SKAP1: variants seen among roughly 807,000 people sequenced by gnomAD.
The protein encoded by SKAP1 is src kinase associated phosphoprotein 1, also known as src kinase-associated phosphoprotein 1.
In SKAP1, 44 loss-of-function variants were observed where a neutral mutation model predicts 58.5. That is an observed-to-expected ratio of 0.75 (90% CI 0.59 to 0.97). The LOEUF (loss-of-function observed/expected upper bound fraction) is 0.97. SKAP1 is among the 50% of genes least tolerant of loss of function. SKAP1 has a pLI of 0.00. For synonymous variants in SKAP1, 127 were observed against 149.7 expected (o/e 0.85, Z 1.11); for missense variants, 390 against 435.2 (o/e 0.90, Z 0.92).
In SKAP1 at chr17:48,269,289, T is replaced by A. The variant is rs112060397; in HGVS notation, c.280+76616A>T. 4.1e-3 allele frequency among the ~76,000 whole-genome samples: 621 copies of A among 151,976 alleles called. 8 individuals are homozygous for A. The highest frequency in any genetic ancestry group is 0.014 in the African/African-American group (594 of 41,450). On this transcript the variant is annotated intron_variant, in intron 4 of 12. Coordinates refer to ENST00000336915, the MANE Select transcript of SKAP1 (RefSeq NM_003726.4). Reference sequence around the variant, plus strand: ...GTTAGAAGTGATAAAAGTAAATAAATAAATTTGACCACTTTGAGAAAAAAA... The same window carrying A: ...GTTAGAAGTGATAAAAGTAAATAAAAAAATTTGACCACTTTGAGAAAAAAA...
At chr17:48,153,257 G>A (rs2063926503) in intron 11 of SKAP1, among the ~76,000 whole-genome samples, 1 of 152,162 alleles carries the variant, frequency 6.6e-6, no homozygotes. Flanking sequence ...TTACATGCAT[G>A]CATATGCACA....
At chr17:48,413,523 A>AAAAAAAAATATATATAT in intron 1 of SKAP1, among the ~76,000 whole-genome samples, 2 of 105,454 alleles carry the variant, frequency 1.9e-5, no homozygotes, top group Admixed American at 1.1e-4. Flanking sequence ...TCAAAAAAAA[A>AAAAAAAAATATATATAT]ATATATATAT....
intron 4 of SKAP1, among the ~76,000 whole-genome samples, chr17:48,266,032 T>C (rs2072472700): frequency 6.6e-6 from 1 of 152,316 alleles, no homozygotes; most frequent in African/African-American, 2.4e-5. Context: ...AGGGCTCTCA[T>C]TTCCTTGTCA....
chr17:48,220,586 G>C (rs2064990752), intron 4 of SKAP1, among the ~76,000 whole-genome samples: 1 of 152,202 alleles, frequency 6.6e-6, no homozygotes, highest in African/African-American at 2.4e-5. Flanking sequence ...GCCAGGTGCA[G>C]TGGCTCACGC....
At chr17:48,167,319 G>A (rs542637085) in intron 10 of SKAP1, among the ~76,000 whole-genome samples, 7 of 152,134 alleles carry the variant, frequency 4.6e-5, no homozygotes, top group Admixed American at 4.6e-4. Flanking sequence ...TATGATCTTA[G>A]TGGTATAAGT....
intron 4 of SKAP1, among the ~76,000 whole-genome samples, chr17:48,239,457 A>G (rs2065219133): frequency 2.6e-5 from 4 of 152,222 alleles, no homozygotes; most frequent in Admixed American, 2.6e-4. Context: ...TGCTATAAAA[A>G]TGTGATGGAT....
chr17:48,382,678 TCAGTATACCTAG>T, intron 2 of SKAP1: 1 of 152,370 alleles, frequency 6.6e-6, no homozygotes, highest in African/African-American at 2.4e-5. Context: ...TCTATAACCC[TCAGTATACCTAG>T]CACTGTGCAT....
At chr17:48,290,890 CA>C (rs1297514320) in intron 4 of SKAP1, among the ~76,000 whole-genome samples, 7 of 152,168 alleles carry the variant, frequency 4.6e-5, no homozygotes, top group Non-Finnish European at 7.3e-5. Context: ...CCTGTAATCT[CA>C]ACACTTTGGG....
At chr17:48,352,471 T>C (rs1198676391) in intron 3 of SKAP1, among the ~76,000 whole-genome samples, 1 of 152,224 alleles carries the variant, frequency 6.6e-6, no homozygotes, top group African/African-American at 2.4e-5. Context: ...ACTTATCATA[T>C]GGCAACCAGG....
intron 2 of SKAP1, among the ~76,000 whole-genome samples, chr17:48,378,169 A>G (rs2067173944): frequency 6.6e-6 from 1 of 152,166 alleles, no homozygotes. Flanking sequence ...ACATCCATGT[A>G]ACCACATCGC....
intron 2 of SKAP1, among the ~76,000 whole-genome samples, chr17:48,382,993 ACT>A (rs1223589335): frequency 6.6e-6 from 1 of 152,156 alleles, no homozygotes; most frequent in African/African-American, 2.4e-5. Context: ...AGCTAAGATG[ACT>A]CTAGCCGCTC....
At chr17:48,371,253 G>C (rs1406549124) in intron 2 of SKAP1, among the ~76,000 whole-genome samples, 1 of 151,994 alleles carries the variant, frequency 6.6e-6, no homozygotes, top group Non-Finnish European at 1.5e-5. Context: ...TAACAAACCT[G>C]CACATGTACC....
chr17:48,357,491 G>A (rs1433873098), intron 3 of SKAP1, among the ~76,000 whole-genome samples: 2 of 152,036 alleles, frequency 1.3e-5, no homozygotes, highest in Middle Eastern at 3.2e-3. Flanking sequence ...TTAGCCGGGC[G>A]TGGTGGCGGG....
rs756935987 is a variant in SKAP1, at chr17:48,380,457, T to C, written c.152+16223A>G. 6 of 152,198 alleles carry C rather than the reference T, an allele frequency of 3.9e-5. 1 individual carries two copies. The Middle Eastern group carries it at 0.01, about 259-fold the overall frequency. 9.4% of individuals were successfully genotyped at this position (152,198 alleles called of 1,614,324 possible). The stretch of plus-strand genomic sequence containing the variant: ...CAAAAACAAAAAACAAAAAACAGGG[T>C]ATTCTGATAAAGATTTGTACACACT... On this transcript the variant is annotated intron_variant, in intron 2 of 12. Transcript: ENST00000336915.
chr17:48,193,081 G>A (rs533623257), intron 4 of SKAP1, among the ~76,000 whole-genome samples: 3 of 152,096 alleles, frequency 2.0e-5, no homozygotes, highest in Admixed American at 6.5e-5. Flanking sequence ...CACTCTTGTC[G>A]CCCAGGCTGG....
intron 4 of SKAP1, among the ~76,000 whole-genome samples, chr17:48,222,182 G>C (rs1354421625): frequency 6.6e-6 from 1 of 152,118 alleles, no homozygotes; most frequent in African/African-American, 2.4e-5. Context: ...CCTAAGCGTA[G>C]GGAGCTGAGG....
At chr17:48,423,976 A>G (rs1171534204) in intron 1 of SKAP1, among the ~76,000 whole-genome samples, 2 of 152,058 alleles carry the variant, frequency 1.3e-5, no homozygotes, top group East Asian at 3.9e-4. Context: ...AAAATAGGGT[A>G]TATAACTTGA....
chr17:48,292,254 T>C (rs4423463), intron 4 of SKAP1, among the ~76,000 whole-genome samples: 93,442 of 151,780 alleles, frequency 0.62, 29,521 homozygotes, highest in African/African-American at 0.76. Flanking sequence ...GGTGAATTTG[T>C]CATGATCACT....
intron 2 of SKAP1, among the ~76,000 whole-genome samples, chr17:48,379,682 C>CTTTTTTT (rs397856911): frequency 3.2e-5 from 4 of 124,054 alleles, no homozygotes; most frequent in African/African-American, 1.2e-4. Flanking sequence ...GTATCTTCTT[C>CTTTTTTT]TTTTTTTTTT....
Sources: allele counts gnomAD v4.1 joint callset (sites outside exome capture counted in the v4.1 genomes callset), GRCh38; gene constraint gnomAD v4.1.1; transcripts MANE v1.5; gene names NCBI Gene and HGNC (gene_info 2026-07-23, HGNC 2026-07-21).